CNTNAP2: variants seen among roughly 807,000 people sequenced by gnomAD.
CNTNAP2 encodes the protein contactin-associated protein-like 2.
A neutral mutation model predicts 155.2 loss-of-function variants in CNTNAP2; 98 were observed. The observed-to-expected ratio is 0.63, with a 90% CI of 0.54 to 0.75. The LOEUF (loss-of-function observed/expected upper bound fraction) is 0.75. Among genes scored for constraint, CNTNAP2 ranks in the 30% least tolerant of loss-of-function variants. The probability of loss-of-function intolerance (pLI) is 0.00; values close to 1 mark genes in which losing one functional copy is unlikely to be tolerated. For missense variants in CNTNAP2, 1,727 were observed against 1,688.1 expected (o/e 1.02, Z -0.40); for synonymous variants, 651 against 631.2 (o/e 1.03, Z -0.47).
intron 1 of CNTNAP2, among the ~76,000 whole-genome samples, chr7:146,763,275 A>C (rs753371949): frequency 6.6e-6 from 1 of 152,134 alleles, no homozygotes; most frequent in Non-Finnish European, 1.5e-5. Flanking sequence ...CTCCACAGAT[A>C]TCAGATAACC....
chr7:146,868,499 G>A (rs1221250924), intron 3 of CNTNAP2, among the ~76,000 whole-genome samples: 1 of 152,106 alleles, frequency 6.6e-6, no homozygotes, highest in African/African-American at 2.4e-5. Context: ...TGGCTATGCG[G>A]GCTCATTTTG....
chr7:146,179,925 G>T (rs1562979455), intron 1 of CNTNAP2, among the ~76,000 whole-genome samples: 1 of 152,114 alleles, frequency 6.6e-6, no homozygotes, highest in East Asian at 1.9e-4. Flanking sequence ...TAAACAATAT[G>T]AAATGATTTT....
chr7:148,236,517 T>A (rs1327791959), intron 20 of CNTNAP2, among the ~76,000 whole-genome samples: 1 of 152,164 alleles, frequency 6.6e-6, no homozygotes, highest in East Asian at 1.9e-4. Context: ...AAAAAGCAAC[T>A]GACACACACG....
intron 4 of CNTNAP2, among the ~76,000 whole-genome samples, chr7:147,067,840 T>C (rs1474474985): frequency 1.3e-5 from 2 of 152,266 alleles, no homozygotes; most frequent in Non-Finnish European, 1.5e-5. Flanking sequence ...CATTCGGTTG[T>C]TCTCTTCCCA....
intron 13 of CNTNAP2, among the ~76,000 whole-genome samples, chr7:147,789,885 G>A (rs1026272879): frequency 1.3e-4 from 20 of 152,230 alleles, no homozygotes; most frequent in Admixed American, 5.2e-4. Flanking sequence ...GCCACAAACC[G>A]AAGGCTGTTC....
chr7:147,839,825 A>G (rs1798697544), intron 13 of CNTNAP2, among the ~76,000 whole-genome samples: 1 of 152,170 alleles, frequency 6.6e-6, no homozygotes, highest in Non-Finnish European at 1.5e-5. Flanking sequence ...AATAGCAAAG[A>G]TATGGAATCA....
chr7:147,113,249 A>G (rs1800919466), intron 5 of CNTNAP2, among the ~76,000 whole-genome samples: 1 of 152,168 alleles, frequency 6.6e-6, no homozygotes, highest in Non-Finnish European at 1.5e-5. Flanking sequence ...ATATTTCTAT[A>G]GGGAAATACA....
At chr7:147,645,077 G>A (rs192300586) in intron 13 of CNTNAP2, among the ~76,000 whole-genome samples, 1 of 151,910 alleles carries the variant, frequency 6.6e-6, no homozygotes, top group East Asian at 1.9e-4. Context: ...TATATTTTTG[G>A]ATAGTTTACT....
At chr7:146,240,330 A>G (rs1047507548) in intron 1 of CNTNAP2, among the ~76,000 whole-genome samples, 1 of 152,162 alleles carries the variant, frequency 6.6e-6, no homozygotes, top group Admixed American at 6.5e-5. Context: ...AAGCCTTTGC[A>G]GAAATCAAAT....
chr7:147,955,857 A>G (rs949199897), intron 14 of CNTNAP2, among the ~76,000 whole-genome samples: 2 of 152,224 alleles, frequency 1.3e-5, no homozygotes, highest in Non-Finnish European at 2.9e-5. Flanking sequence ...ATCTCAGGAC[A>G]CTAAGTCTCC....
intron 21 of CNTNAP2, among the ~76,000 whole-genome samples, chr7:148,365,969 T>C (rs188328064): frequency 0.014 from 35 of 2,500 alleles, 14 homozygotes; most frequent in African/African-American, 0.017. Flanking sequence ...TGTATACATG[T>C]GTGTATGCAT....
chr7:148,406,957 G>A (rs1330527826), intron 22 of CNTNAP2, among the ~76,000 whole-genome samples: 1 of 148,328 alleles, frequency 6.7e-6, no homozygotes, highest in Non-Finnish European at 1.5e-5. Flanking sequence ...AGACCATGTC[G>A]GACCAAGAAG....
chr7:148,309,001 A>G (rs928219183), intron 21 of CNTNAP2, among the ~76,000 whole-genome samples: 1 of 151,870 alleles, frequency 6.6e-6, no homozygotes, highest in Non-Finnish European at 1.5e-5. Context: ...GTTGGTTCCA[A>G]CTCTTTGCTA....
At chr7:147,009,077 G>A (rs1174019808) in intron 3 of CNTNAP2, among the ~76,000 whole-genome samples, 2 of 151,524 alleles carry the variant, frequency 1.3e-5, no homozygotes, top group Non-Finnish European at 2.9e-5. Flanking sequence ...TTATACAAAT[G>A]CCTTCCAAAG....
chr7:147,744,155 C>A (rs911481277), intron 13 of CNTNAP2, among the ~76,000 whole-genome samples: 10 of 152,162 alleles, frequency 6.6e-5, no homozygotes, highest in African/African-American at 2.4e-4. Flanking sequence ...ATCACTGAGG[C>A]TAGGAGATGC....
intron 14 of CNTNAP2, among the ~76,000 whole-genome samples, chr7:147,955,374 AT>A (rs1354275012): frequency 6.6e-6 from 1 of 152,228 alleles, no homozygotes; most frequent in Non-Finnish European, 1.5e-5. Flanking sequence ...TTAGCATAAC[AT>A]GCTTTTATTT....
At chr7:148,364,146 G>C (rs1798684382) in intron 21 of CNTNAP2, among the ~76,000 whole-genome samples, 5 of 152,200 alleles carry the variant, frequency 3.3e-5, no homozygotes, top group Admixed American at 3.3e-4. Flanking sequence ...GCCACCCCCT[G>C]CTCCACAGCG....
intron 13 of CNTNAP2, among the ~76,000 whole-genome samples, chr7:147,818,338 T>C (rs1199189042): frequency 6.6e-6 from 1 of 152,218 alleles, no homozygotes; most frequent in East Asian, 1.9e-4. Flanking sequence ...GTTCTGCTAA[T>C]ACAATTTATA....
intron 1 of CNTNAP2, among the ~76,000 whole-genome samples, chr7:146,189,418 G>T (rs898178234): frequency 6.6e-6 from 1 of 152,132 alleles, no homozygotes; most frequent in South Asian, 2.1e-4. Context: ...TTCAAGGCTT[G>T]CATGAGGATT....
Sources: allele counts gnomAD v4.1 joint callset (sites outside exome capture counted in the v4.1 genomes callset), GRCh38; gene constraint gnomAD v4.1.1; transcripts MANE v1.5; gene names NCBI Gene and HGNC (gene_info 2026-07-23, HGNC 2026-07-21).